The following ZFHX3 variants were observed in gnomAD, a reference collection of about 807,000 sequenced individuals.
The protein encoded by ZFHX3 is zinc finger homeobox protein 3.
Under a neutral mutation model 279.1 loss-of-function variants are expected in ZFHX3, and 42 were observed. The observed-to-expected ratio is 0.15, with a 90% CI of 0.12 to 0.19. The LOEUF (loss-of-function observed/expected upper bound fraction) is 0.19. Among genes scored for constraint, ZFHX3 ranks in the 10% least tolerant of loss-of-function variants. ZFHX3 has a pLI of 1.00. For synonymous variants in ZFHX3, 2,293 were observed against 1,957.8 expected, an observed-to-expected ratio of 1.17 and a Z score of -4.52; for missense variants, 4,981 against 4,754.0, an observed-to-expected ratio of 1.05 and a Z score of -1.40.
intron 7 of ZFHX3, among the ~76,000 whole-genome samples, chr16:73,110,322 T>C (rs559028592): frequency 8.5e-5 from 13 of 152,334 alleles, no homozygotes; most frequent in Admixed American, 2.6e-4. Context: ...TGTGTCTATT[T>C]GCACATGAAA....
At chr16:73,515,506 AAGAG>A (rs2019504373) in intron 2 of ZFHX3, among the ~76,000 whole-genome samples, 1 of 149,430 alleles carries the variant, frequency 6.7e-6, no homozygotes, top group South Asian at 2.1e-4. Flanking sequence ...GAGAGAGAGA[AAGAG>A]AGAGAAAGAA....
At chr16:73,420,507 A>G (rs2017696898) in intron 3 of ZFHX3, 1 of 152,150 alleles carries the variant, frequency 6.6e-6, no homozygotes. Context: ...AGCATCCTAC[A>G]ATGCCCTAGA....
chr16:73,588,617 G>A (rs1162215927), intron 2 of ZFHX3, among the ~76,000 whole-genome samples: 2 of 151,276 alleles, frequency 1.3e-5, no homozygotes, highest in Admixed American at 6.6e-5. Flanking sequence ...GTGAACCTGG[G>A]AGGCCGAGCT....
intron 5 of ZFHX3, among the ~76,000 whole-genome samples, chr16:73,243,800 G>A (rs1410077738): frequency 4.6e-5 from 7 of 151,886 alleles, no homozygotes; most frequent in Non-Finnish European, 8.8e-5. Context: ...TTGGACTTAC[G>A]CAACAGATCA....
intron 1 of ZFHX3, among the ~76,000 whole-genome samples, chr16:73,803,379 C>T (rs61682689): frequency 0.032 from 4,877 of 152,142 alleles, 133 homozygotes; most frequent in African/African-American, 0.08. Flanking sequence ...TAATAGCTAG[C>T]GCTGGGGATA....
intron 1 of ZFHX3, among the ~76,000 whole-genome samples, chr16:73,720,810 T>C (rs956600519): frequency 2.0e-5 from 3 of 152,236 alleles, no homozygotes; most frequent in African/African-American, 4.8e-5. Context: ...GCAAAAAGCA[T>C]GAAAACATCT....
chr16:73,030,672 T>C (rs904532163), intron 1 of ZFHX3, among the ~76,000 whole-genome samples: 9 of 151,034 alleles, frequency 6.0e-5, no homozygotes, highest in Non-Finnish European at 8.8e-5. Flanking sequence ...GAAGCATGAG[T>C]CCAGAGCTAG....
chr16:73,283,284 G>A (rs937695580), intron 4 of ZFHX3, among the ~76,000 whole-genome samples: 1 of 152,176 alleles, frequency 6.6e-6, no homozygotes, highest in African/African-American at 2.4e-5. Context: ...GCTTACTGAT[G>A]TTATGACAAT....
At chr16:72,939,629 T>C (rs149721298) in intron 3 of ZFHX3, among the ~76,000 whole-genome samples, 2,606 of 152,354 alleles carry the variant, frequency 0.017, 22 homozygotes, top group Non-Finnish European at 0.028. Flanking sequence ...GGCTCAGGCC[T>C]GTAATCCCAG....
At chr16:73,067,861 C>T (rs1965774707) in intron 8 of ZFHX3, among the ~76,000 whole-genome samples, 1 of 152,160 alleles carries the variant, frequency 6.6e-6, no homozygotes, top group Admixed American at 6.5e-5. Flanking sequence ...AAGGGAGTCT[C>T]TATTCCACGG....
At chr16:73,304,967 G>T (rs62054727) in intron 4 of ZFHX3, among the ~76,000 whole-genome samples, 13,347 of 152,130 alleles carry the variant, frequency 0.088, 640 homozygotes, top group Non-Finnish European at 0.1. Flanking sequence ...TTCTTGTGCC[G>T]TCTGGAAGAT....
chr16:73,305,902 A>G (rs1428483603), intron 4 of ZFHX3, among the ~76,000 whole-genome samples: 4 of 152,208 alleles, frequency 2.6e-5, no homozygotes, highest in African/African-American at 7.2e-5. Context: ...CTGTGCATGG[A>G]GAGCCACACA....
At chr16:72,871,814 G>A (rs1474482485) in intron 4 of ZFHX3, among the ~76,000 whole-genome samples, 4 of 151,924 alleles carry the variant, frequency 2.6e-5, no homozygotes, top group Non-Finnish European at 4.4e-5. Context: ...GGCTGGGCGC[G>A]GTGGCTCACG....
chr16:73,810,438 G>C (rs940384274), intron 1 of ZFHX3, among the ~76,000 whole-genome samples: 6 of 152,098 alleles, frequency 3.9e-5, no homozygotes, highest in East Asian at 1.9e-4. Flanking sequence ...TAACCTCTAA[G>C]GGTTCTTAAA....
intron 2 of ZFHX3, among the ~76,000 whole-genome samples, chr16:73,574,256 G>C (rs1044783724): frequency 6.6e-6 from 1 of 152,068 alleles, no homozygotes; most frequent in African/African-American, 2.4e-5. Flanking sequence ...ATTTCTCATT[G>C]CTTAAAGAAA....
intron 2 of ZFHX3, among the ~76,000 whole-genome samples, chr16:73,592,639 C>T (rs2052011303): frequency 6.6e-6 from 1 of 151,952 alleles, no homozygotes; most frequent in African/African-American, 2.4e-5. Context: ...AACAGATTGA[C>T]CATATGTCAG....
intron 1 of ZFHX3, among the ~76,000 whole-genome samples, chr16:73,798,166 G>A (rs1363714417): frequency 2.0e-5 from 3 of 152,058 alleles, no homozygotes; most frequent in Admixed American, 6.6e-5. Flanking sequence ...CTACTATAAT[G>A]TTCAGACCAA....
chr16:73,696,538 A>T (rs907284858), intron 1 of ZFHX3, among the ~76,000 whole-genome samples: 1 of 152,208 alleles, frequency 6.6e-6, no homozygotes, highest in African/African-American at 2.4e-5. Flanking sequence ...CTAACTCACA[A>T]CCATTCAGCC....
At position 72,957,787 on chromosome 16, in the gene ZFHX3, T is replaced by G; in HGVS notation, c.2359A>C (p.Ser787Arg). 2 of 1,612,606 alleles carry G rather than the reference T, an allele frequency of 1.2e-6. No homozygotes were observed. The change falls in exon 2 of 10, where the codon AGT becomes CGT. Residue 787 changes from serine (S) to arginine (R), a missense_variant. Physicochemically the swap from Ser to Arg is moderately radical, Grantham distance 110. Coordinates refer to ENST00000268489, the MANE Select transcript of ZFHX3 (RefSeq NM_006885.4). ...VAAAAAAANI[S>R]SSCGAPSPTK... is the part of the protein sequence containing the mutation. ...GGCGAGGGGGCCCCGCAGGAGCTACTGATATTGGCTGCCGCCGCCGCCGCA... is the reference window on the plus strand; with the variant it reads ...GGCGAGGGGGCCCCGCAGGAGCTACGGATATTGGCTGCCGCCGCCGCCGCA...
Sources: gnomAD v4.1 joint callset for allele counts (sites outside exome capture counted in the v4.1 genomes callset) on GRCh38, gnomAD v4.1.1 for gene constraint, MANE v1.5 for transcripts, NCBI Gene and HGNC (gene_info 2026-07-23, HGNC 2026-07-21) for gene names.